PLK1: variants seen among roughly 807,000 people sequenced by gnomAD.
The protein encoded by PLK1 is serine/threonine-protein kinase PLK1.
In PLK1, 6 loss-of-function variants were observed where a neutral mutation model predicts 56.7. The observed-to-expected ratio is 0.11, with a 90% CI of 0.06 to 0.21. PLK1 has a LOEUF of 0.21. Ranked by LOEUF, PLK1 falls within the 10% of genes least tolerant of loss-of-function variation. PLK1 has a pLI of 1.00. For missense variants in PLK1, 546 were observed against 814.4 expected, an observed-to-expected ratio of 0.67 and a Z score of 4.01; for synonymous variants, 298 against 325.0, an observed-to-expected ratio of 0.92 and a Z score of 0.89.
intron 3 of PLK1, among the ~76,000 whole-genome samples, chr16:23,681,327 G>T (rs1241966474): frequency 1.3e-5 from 2 of 152,184 alleles, no homozygotes; most frequent in African/African-American, 4.8e-5. Flanking sequence ...TGCTAGAGTT[G>T]TCCACAGGGC....
chr16:23,689,200 A>G lies in PLK1; in HGVS notation c.1271-38A>G, dbSNP rs1207423881. 4 of 1,580,878 alleles carry G rather than the reference A, an allele frequency of 2.5e-6. No homozygotes were observed. Among genetic ancestry groups the G allele is most frequent in the South Asian group, 2.2e-5 (2 of 89,698 alleles). On this transcript the variant is annotated intron_variant, in intron 7 of 9. Coordinates refer to ENST00000300093, the MANE Select transcript of PLK1 (RefSeq NM_005030.6). The surrounding 1 kb of genome is among the most constrained non-coding windows in gnomAD (Gnocchi z 4.8). ...CGCCCGGTCCCACTCCCCACTTTCT[A>G]TTCCCCCTTTCTGAGACCTCTCTCC...
chr16:23,690,203 G>T lies in PLK1; in HGVS notation c.*140G>T, dbSNP rs754851291. Reference sequence around the variant, plus strand: ...GGGCAGAGCTGCATCATCCTTGCAGGTGGGGGTTGCTGTATAAGTTATTTT... The same window carrying T: ...GGGCAGAGCTGCATCATCCTTGCAGTTGGGGGTTGCTGTATAAGTTATTTT... On this transcript the variant is annotated 3_prime_UTR_variant, in exon 10 of 10. Coordinates refer to ENST00000300093, the MANE Select transcript of PLK1 (RefSeq NM_005030.6). The T allele has an allele frequency of 1.2e-5, 8 of 691,228 alleles. No homozygotes were observed. The highest frequency in any genetic ancestry group is 2.4e-4 in the Middle Eastern group (1 of 4,114). 42.8% of individuals were successfully genotyped at this position (691,228 alleles called of 1,614,324 possible).
In PLK1 at chr16:23,688,699, C is replaced by A; in HGVS notation, c.1224C>A (p.Ile408=). 6.2e-7 allele frequency: 1 copy of A among 1,614,100 alleles called. No individual in the cohort carries two copies. The highest frequency in any genetic ancestry group is 8.5e-7 in the Non-Finnish European group (1 of 1,179,900). ...EEAEDPACIP[I]FWVSKWVDYS... is the part of the protein sequence containing the mutation. Reference sequence around the variant, plus strand: ...CTGAGGATCCTGCCTGCATCCCCATCTTCTGGGTCAGCAAGTGGGTGGACT... The same window carrying A: ...CTGAGGATCCTGCCTGCATCCCCATATTCTGGGTCAGCAAGTGGGTGGACT... Residue 408 remains isoleucine (I), a synonymous_variant, in exon 7 of 10, where the codon ATC becomes ATA. Transcript: ENST00000300093.
rs1274811506 is a variant in PLK1, at chr16:23,680,203, C to T, written c.528C>T (p.Asp176=). 6.2e-7 allele frequency: 1 copy of T among 1,614,010 alleles called. No individual in the cohort carries two copies. The highest frequency in any genetic ancestry group is 1.1e-5 in the South Asian group (1 of 91,078). The change falls in exon 2 of 10, where the codon GAC becomes GAT. Residue 176 remains aspartate, a synonymous_variant. Coordinates refer to ENST00000300093, the MANE Select transcript of PLK1 (RefSeq NM_005030.6). Reference sequence around the variant, plus strand: ...ACCGAAACCGAGTTATTCATCGAGACCTCAAGCTGGGCAACCTTTTCCTGA... The same window carrying T: ...ACCGAAACCGAGTTATTCATCGAGATCTCAAGCTGGGCAACCTTTTCCTGA... ...YLHRNRVIHR[D]LKLGNLFLNE... is the part of the protein sequence containing the mutation.
chr16:23,689,235 T>C lies in PLK1; in HGVS notation c.1271-3T>C, dbSNP rs985499882. The C allele has an allele frequency of 6.2e-7, 1 of 1,606,044 alleles. No individual in the cohort carries two copies. The highest frequency in any genetic ancestry group is 1.3e-5 in the African/African-American group (1 of 74,880). On this transcript the variant is annotated splice_polypyrimidine_tract_variant and splice_region_variant and intron_variant, in intron 7 of 9. Coordinates refer to ENST00000300093, the MANE Select transcript of PLK1 (RefSeq NM_005030.6). This position sits in a 1 kb window ranked among gnomAD's most constrained non-coding sequence, Gnocchi z 4.8. ...TCTGAGACCTCTCTCCACCGATCCCTAGGGTATCAGCTCTGTGATAACAGC... is the reference window on the plus strand; with the variant it reads ...TCTGAGACCTCTCTCCACCGATCCCCAGGGTATCAGCTCTGTGATAACAGC...
Position 23,689,719 on chromosome 16 carries a change from C to A in PLK1, c.1608+43C>A. 1 of 1,567,946 alleles carries A rather than the reference C, an allele frequency of 6.4e-7. No individual in the cohort carries two copies. ...AGGCGCAGGAGAGAGCTGGGGTAGG[C>A]TCCGCATGCCTGGCAGTGGCCCATG... On this transcript the variant is annotated intron_variant, in intron 9 of 9. Transcript: ENST00000300093. The surrounding 1 kb of genome is among the most constrained non-coding windows in gnomAD (Gnocchi z 4.8).
chr16:23,684,121 C>T (rs752558012), intron 5 of PLK1, 32 bp downstream of exon 5: 1 of 1,561,826 alleles, frequency 6.4e-7, no homozygotes, highest in Non-Finnish European at 8.8e-7. Context: ...GAGAGCAGAC[C>T]CCCCAGAGAA....
chr16:23,687,749 C>G (rs1360393779), intron 6 of PLK1, 125 bp downstream of exon 6: 1 of 608,698 alleles, frequency 1.6e-6, no homozygotes, highest in Non-Finnish European at 2.5e-6. Context: ...CCATTGGTTT[C>G]CCCATTTCCT....
Position 23,678,950 on chromosome 16 carries a change from T to G in PLK1, c.18T>G (p.Thr6=). 6.4e-7 allele frequency: 1 copy of G among 1,566,760 alleles called. No individual in the cohort carries two copies. The highest frequency in any genetic ancestry group is 8.6e-7 in the Non-Finnish European group (1 of 1,156,418). The change falls in exon 1 of 10, where the codon ACT becomes ACG. Residue 6 remains threonine (T), a synonymous_variant. Transcript: ENST00000300093. The stretch of plus-strand genomic sequence containing the variant: ...TCGGGAGCATGAGTGCTGCAGTGAC[T>G]GCAGGGAAGCTGGCACGGGCACCGG... MSAAV[T]AGKLARAPAD... is the part of the protein sequence containing the mutation.
chr16:23,689,803 C>A lies in PLK1; in HGVS notation c.1609-57C>A. ...TATAACCTGTTGTGTCTTCCCTCTA[C>A]TCCCTAACATACACTGGCCTCTGGG... On this transcript the variant is annotated intron_variant, in intron 9 of 9. Transcript: ENST00000300093. The surrounding 1 kb of genome is among the most constrained non-coding windows in gnomAD (Gnocchi z 4.8). The A allele has an allele frequency of 6.5e-7, 1 of 1,548,090 alleles. No individual in the cohort carries two copies. The highest frequency in any genetic ancestry group is 8.9e-7 in the Non-Finnish European group (1 of 1,123,156).
At position 23,680,187 on chromosome 16, in the gene PLK1, G is replaced by T. The variant is rs1052549183; in HGVS notation, c.512G>T (p.Arg171Leu). 3.7e-6 allele frequency: 6 copies of T among 1,613,970 alleles called. No homozygotes were observed. Among genetic ancestry groups the T allele is most frequent in the Non-Finnish European group, 5.1e-6 (6 of 1,179,914 alleles). The change falls in exon 2 of 10, where the codon CGA becomes CTA. Residue 171 changes from arginine to leucine, a missense_variant. Arg to Leu is a moderately radical substitution (Grantham distance 102, BLOSUM62 -2). This residue lies in a region of PLK1 where 111 missense variants were observed against 211.8 expected (regional missense o/e 0.52). Coordinates refer to ENST00000300093, the MANE Select transcript of PLK1 (RefSeq NM_005030.6). ...VLGCQYLHRN[R>L]VIHRDLKLGN... is the part of the protein sequence containing the mutation. ...GGCTGCCAGTACCTGCACCGAAACCGAGTTATTCATCGAGACCTCAAGCTG... is the reference window on the plus strand; with the variant it reads ...GGCTGCCAGTACCTGCACCGAAACCTAGTTATTCATCGAGACCTCAAGCTG...
In PLK1 at chr16:23,689,734, A is replaced by C; in HGVS notation, c.1608+58A>C. 1 of 1,556,336 alleles carries C rather than the reference A, an allele frequency of 6.4e-7. No individual in the cohort carries two copies. The highest frequency in any genetic ancestry group is 8.8e-7 in the Non-Finnish European group (1 of 1,141,360). On this transcript the variant is annotated intron_variant, in intron 9 of 9. Coordinates refer to ENST00000300093, the MANE Select transcript of PLK1 (RefSeq NM_005030.6). The surrounding 1 kb of genome is among the most constrained non-coding windows in gnomAD (Gnocchi z 4.8). The stretch of plus-strand genomic sequence containing the variant: ...CTGGGGTAGGCTCCGCATGCCTGGC[A>C]GTGGCCCATGTGGGTTGAATGTGGA...
At chr16:23,684,166 C>A in intron 5 of PLK1, 77 bp downstream of exon 5, 1 of 1,172,740 alleles carries the variant, frequency 8.5e-7, no homozygotes, top group Non-Finnish European at 1.3e-6. Flanking sequence ...AGCTTAGTCC[C>A]TGGCCCTGAG....
intron 5 of PLK1, chr16:23,686,920 G>A (rs935050924): frequency 1.6e-4 from 24 of 152,224 alleles, no homozygotes; most frequent in African/African-American, 5.8e-4. Flanking sequence ...CATGGTGGTG[G>A]GGGAATAAAT....
intron 3 of PLK1, among the ~76,000 whole-genome samples, chr16:23,681,429 G>T (rs1959329533): frequency 6.6e-6 from 1 of 152,188 alleles, no homozygotes; most frequent in Admixed American, 6.5e-5. Flanking sequence ...AGGTCCCTTG[G>T]TGATTCCCTT....
chr16:23,681,211 A>G (rs552346932), intron 3 of PLK1, among the ~76,000 whole-genome samples, 153 bp downstream of exon 3: 106 of 152,316 alleles, frequency 7.0e-4, no homozygotes, highest in African/African-American at 2.5e-3. Context: ...CCTAATTGTC[A>G]TATCTTTCCC....
intron 5 of PLK1, 147 bp from the exon 6 acceptor site, chr16:23,687,322 A>G (rs763997087): frequency 5.0e-6 from 3 of 605,642 alleles, no homozygotes; most frequent in Admixed American, 6.0e-5. Flanking sequence ...TCACCTGAGC[A>G]TGGCAGCTGC....
At chr16:23,687,647 C>T (rs182500340) in intron 6 of PLK1, 23 bp downstream of exon 6, 96 of 1,519,572 alleles carry the variant, frequency 6.3e-5, no homozygotes, top group African/African-American at 3.9e-4. Context: ...GGGCCCTGGG[C>T]GGGGCAGGAT....
At chr16:23,679,508 C>G in intron 1 of PLK1, 168 bp downstream of exon 1, 1 of 617,826 alleles carries the variant, frequency 1.6e-6, no homozygotes, top group Non-Finnish European at 2.8e-6. Context: ...TTGGTAAGGG[C>G]TTCTTGGCTC....
Sources: gnomAD v4.1 joint callset for allele counts (sites outside exome capture counted in the v4.1 genomes callset) on GRCh38, gnomAD v4.1.1 for gene constraint, gnomAD v4.1.1 regional missense constraint, Gnocchi (gnomAD v3.1) non-coding constraint, MANE v1.5 for transcripts, NCBI Gene and HGNC (gene_info 2026-07-23, HGNC 2026-07-21) for gene names.